Variants in PEX3 observed in about 807,000 individuals in gnomAD.
PEX3 encodes peroxin-3.
PEX3 carries 30 observed loss-of-function variants against 55.8 expected under a neutral mutation model. The ratio of observed to expected loss-of-function variants is 0.54; its 90% CI spans 0.40 to 0.73. The LOEUF is 0.73. Ranked by LOEUF, PEX3 falls within the 30% of genes least tolerant of loss-of-function variation. PEX3 has a pLI of 0.00. For missense variants in PEX3, 351 were observed against 432.8 expected (o/e 0.81, Z 1.68); for synonymous variants, 135 against 148.4 (o/e 0.91, Z 0.66).
intron 2 of PEX3, among the ~76,000 whole-genome samples, chr6:143,460,074 C>A (rs944801593): frequency 1.3e-5 from 2 of 152,180 alleles, no homozygotes; most frequent in African/African-American, 2.4e-5. Flanking sequence ...AAAGCTTACT[C>A]ATTTCTCTAA....
At chr6:143,481,476 A>G (rs1192016698) in intron 10 of PEX3, among the ~76,000 whole-genome samples, 1 of 152,040 alleles carries the variant, frequency 6.6e-6, no homozygotes, top group Non-Finnish European at 1.5e-5. Flanking sequence ...CCAGTTGTTC[A>G]ATAATGTCTA....
At position 143,485,207 on chromosome 6, in the gene PEX3, A is replaced by T; in HGVS notation, c.997A>T (p.Ile333Phe). ...AKIIPIVNGQ[I>F]HSVCSETPSH... Reference sequence around the variant, plus strand: ...GATAATTCCAATAGTAAACGGACAGATCCATTCAGTTTGCAGTGAAACACC... The same window carrying T: ...GATAATTCCAATAGTAAACGGACAGTTCCATTCAGTTTGCAGTGAAACACC... The change falls in exon 11 of 12, where the codon ATC becomes TTC. Residue 333 changes from isoleucine to phenylalanine, a missense_variant. Transcript: ENST00000367591. This position sits in a 1 kb window ranked among gnomAD's most constrained non-coding sequence, Gnocchi z 5.6. 1.2e-6 allele frequency: 2 copies of T among 1,608,412 alleles called. No individual in the cohort carries two copies. The highest frequency in any genetic ancestry group is 1.7e-4 in the Middle Eastern group (1 of 6,040).
Position 143,458,942 on chromosome 6 carries a change from T to C in PEX3, c.74-143T>C, listed in dbSNP as rs1253405975. 2 of 600,516 alleles carry C rather than the reference T, an allele frequency of 3.3e-6. No individual in the cohort carries two copies. Among genetic ancestry groups the C allele is most frequent in the African/African-American group, 3.8e-5 (2 of 53,148 alleles). The allele number at this position is 600,516 out of a possible 1,614,324, so 37.2% of individuals were successfully genotyped here. On this transcript the variant is annotated intron_variant, in intron 1 of 11. Coordinates refer to ENST00000367591, the MANE Select transcript of PEX3 (RefSeq NM_003630.3). This position sits in a 1 kb window ranked among gnomAD's most constrained non-coding sequence, Gnocchi z 6.1. ...TAATTTCCTTTTCTTTGGGCCAATC[T>C]TACAAAATTCTTTATTTAGGTTTTA...
Position 143,462,917 on chromosome 6 carries a change from G to T in PEX3, c.207G>T (p.Val69=). 3 of 1,610,938 alleles carry T rather than the reference G, an allele frequency of 1.9e-6. No individual in the cohort carries two copies. Among genetic ancestry groups the T allele is most frequent in the Non-Finnish European group, 2.5e-6 (3 of 1,177,294 alleles). Residue 69 remains valine, a splice_region_variant and synonymous_variant, in exon 3 of 12, where the codon GTG becomes GTT. Coordinates refer to ENST00000367591, the MANE Select transcript of PEX3 (RefSeq NM_003630.3). The surrounding 1 kb of genome is among the most constrained non-coding windows in gnomAD (Gnocchi z 4.1). ...TTATTTTTTTTGTTTGTATTACAGT[G>T]CTGTCCATGCTTCCAACACTGAGAG... ...ESNQRTCNMT[V]LSMLPTLREA...
At chr6:143,467,212 C>T (rs1007794439) in intron 3 of PEX3, among the ~76,000 whole-genome samples, 2 of 151,826 alleles carry the variant, frequency 1.3e-5, no homozygotes, top group East Asian at 1.9e-4. Flanking sequence ...TTGCTTTCAC[C>T]TATTTTTTAT....
At chr6:143,470,028 C>A (rs1425837555) in intron 4 of PEX3, among the ~76,000 whole-genome samples, 1 of 152,090 alleles carries the variant, frequency 6.6e-6, no homozygotes, top group Non-Finnish European at 1.5e-5. Context: ...TGGCTCACTG[C>A]AACCTCCACC....
rs904645549 is a variant in PEX3 at position 143,486,537 on chromosome 6, A to G, written c.1038+1289A>G. 2.0e-4 allele frequency among the ~76,000 whole-genome samples: 31 copies of G among 152,306 alleles called. No individual in the cohort carries two copies. The highest frequency in any genetic ancestry group is 7.5e-4 in the African/African-American group (31 of 41,576). ...AGTTTTTTACTGTAACTGGATGTAT[A>G]TTAAATGTATATACTAGACCATTGA... On this transcript the variant is annotated intron_variant, in intron 11 of 11. Coordinates refer to ENST00000367591, the MANE Select transcript of PEX3 (RefSeq NM_003630.3). This position sits in a 1 kb window ranked among gnomAD's most constrained non-coding sequence, Gnocchi z 5.0.
chr6:143,475,948 G>A lies in PEX3; in HGVS notation c.818+1092G>A, dbSNP rs1780148065. Among the ~76,000 whole-genome samples the A allele has an allele frequency of 6.6e-6, 1 of 152,170 alleles. No individual in the cohort carries two copies. The highest frequency in any genetic ancestry group is 1.5e-5 in the Non-Finnish European group (1 of 68,038). Reference sequence around the variant, plus strand: ...ATATTAGGTACTGTTCTAAATGCTAGGTCTTCATCCCTACTGGAATGTGTA... The same window carrying A: ...ATATTAGGTACTGTTCTAAATGCTAAGTCTTCATCCCTACTGGAATGTGTA... On this transcript the variant is annotated intron_variant, in intron 9 of 11. Transcript: ENST00000367591. This position sits in a 1 kb window ranked among gnomAD's most constrained non-coding sequence, Gnocchi z 4.4.
chr6:143,451,177 C>G lies in PEX3; in HGVS notation c.73+62C>G, dbSNP rs1438061853. On this transcript the variant is annotated intron_variant, in intron 1 of 11. Transcript: ENST00000367591. This position sits in a 1 kb window ranked among gnomAD's most constrained non-coding sequence, Gnocchi z 4.1. ...AAGGGGGTGGGAGAGGTGACTTCTT[C>G]TAAAATAAGGACAGGCCGGGCGATC... 8.7e-7 allele frequency: 1 copy of G among 1,150,360 alleles called. No individual in the cohort carries two copies. Among genetic ancestry groups the G allele is most frequent in the African/African-American group, 1.5e-5 (1 of 65,898 alleles). The allele number at this position is 1,150,360 out of a possible 1,614,324, so 71.3% of individuals were successfully genotyped here. A position where few individuals can be genotyped will look rare whatever the true frequency, so the allele number is the denominator to read the frequency against.
chr6:143,460,653 T>A (rs1298204780), intron 2 of PEX3, among the ~76,000 whole-genome samples: 1 of 151,728 alleles, frequency 6.6e-6, no homozygotes, highest in Non-Finnish European at 1.5e-5. Context: ...TCACCTGAGG[T>A]TAGGAATTTG....
chr6:143,476,495 G>A lies in PEX3; in HGVS notation c.818+1639G>A, dbSNP rs956581585. Among the ~76,000 whole-genome samples the A allele has an allele frequency of 3.3e-5, 5 of 152,168 alleles. No individual in the cohort carries two copies. The highest frequency in any genetic ancestry group is 4.8e-5 in the African/African-American group (2 of 41,432). On this transcript the variant is annotated intron_variant, in intron 9 of 11. Coordinates refer to ENST00000367591, the MANE Select transcript of PEX3 (RefSeq NM_003630.3). The surrounding 1 kb of genome is among the most constrained non-coding windows in gnomAD (Gnocchi z 5.4). ...ATAAAGAGATAAGAATAGAAGGAGG[G>A]AACCAATTTCAAGAGTTGAAGTAGT...
At position 143,459,331 on chromosome 6, in the gene PEX3, A is replaced by C; in HGVS notation, c.205+115A>C. The C allele has an allele frequency of 1.1e-6, 1 of 879,976 alleles. No individual in the cohort carries two copies. Among genetic ancestry groups the C allele is most frequent in the East Asian group, 2.5e-5 (1 of 40,588 alleles). The allele number at this position is 879,976 out of a possible 1,614,324, so 54.5% of individuals were successfully genotyped here. ...CAAAGAAAAGATGGTAAATCTAGCA[A>C]GTGTTTGAATGATTTAACTGAATTA... On this transcript the variant is annotated intron_variant, in intron 2 of 11. Transcript: ENST00000367591. This position sits in a 1 kb window ranked among gnomAD's most constrained non-coding sequence, Gnocchi z 4.2.
intron 9 of PEX3, among the ~76,000 whole-genome samples, chr6:143,477,454 A>C (rs1780170376): frequency 6.6e-6 from 1 of 152,144 alleles, no homozygotes; most frequent in Admixed American, 6.5e-5. Context: ...TTTTAAGAAC[A>C]AAGTACTTTG....
In PEX3 at chr6:143,462,441, T is replaced by A. The variant is rs2128745801; in HGVS notation, c.206-475T>A. Reference sequence around the variant, plus strand: ...TTGTCTAGGTTATAATAAATGTTTATTACTTTGTAGTATTTAATAAACTTT... The same window carrying A: ...TTGTCTAGGTTATAATAAATGTTTAATACTTTGTAGTATTTAATAAACTTT... On this transcript the variant is annotated intron_variant, in intron 2 of 11. Coordinates refer to ENST00000367591, the MANE Select transcript of PEX3 (RefSeq NM_003630.3). The surrounding 1 kb of genome is among the most constrained non-coding windows in gnomAD (Gnocchi z 4.1). Among the ~76,000 whole-genome samples, 1 of 152,332 alleles carries A rather than the reference T, an allele frequency of 6.6e-6. No individual in the cohort carries two copies. Among genetic ancestry groups the A allele is most frequent in the South Asian group, 2.1e-4 (1 of 4,830 alleles).
chr6:143,454,570 GTACTT>G lies in PEX3; in HGVS notation c.73+3460_73+3464del, dbSNP rs773542715. 1.3e-5 allele frequency among the ~76,000 whole-genome samples: 2 copies of G among 152,188 alleles called. No homozygotes were observed. Among genetic ancestry groups the G allele is most frequent in the Non-Finnish European group, 2.9e-5 (2 of 68,024 alleles). ...ATGAGAGTAAGTGACTGATCTCACT[GTACTT>G]TACTCTGGAAATACAAAGGAATAAG... is the stretch of plus-strand genomic sequence containing the variant. On this transcript the variant is annotated intron_variant, in intron 1 of 11. Coordinates refer to ENST00000367591, the MANE Select transcript of PEX3 (RefSeq NM_003630.3). The surrounding 1 kb of genome is among the most constrained non-coding windows in gnomAD (Gnocchi z 4.3).
At chr6:143,468,243 C>A in intron 4 of PEX3, 78 bp downstream of exon 4, 1 of 938,716 alleles carries the variant, frequency 1.1e-6, no homozygotes, top group Non-Finnish European at 1.7e-6. Flanking sequence ...ATTAGGATGA[C>A]TCTTCTTTAC....
chr6:143,467,494 A>G (rs1158571178), intron 3 of PEX3, among the ~76,000 whole-genome samples: 3 of 152,126 alleles, frequency 2.0e-5, no homozygotes, highest in Non-Finnish European at 4.4e-5. Flanking sequence ...ATTTCCTGCT[A>G]TGAGAAAACA....
At position 143,454,311 on chromosome 6, in the gene PEX3, T is replaced by C. The variant is rs1420931860; in HGVS notation, c.73+3196T>C. On this transcript the variant is annotated intron_variant, in intron 1 of 11. Coordinates refer to ENST00000367591, the MANE Select transcript of PEX3 (RefSeq NM_003630.3). The surrounding 1 kb of genome is among the most constrained non-coding windows in gnomAD (Gnocchi z 4.3). ...TATTACGAAAACAGTTTTGATTTTA[T>C]AGACTCCCTGAAATGGTCTTAAAGA... 6.6e-6 allele frequency among the ~76,000 whole-genome samples: 1 copy of C among 152,228 alleles called. No homozygotes were observed. The highest frequency in any genetic ancestry group is 1.5e-5 in the Non-Finnish European group (1 of 68,040).
chr6:143,477,058 C>A (rs1245341923), intron 9 of PEX3, among the ~76,000 whole-genome samples: 1 of 152,056 alleles, frequency 6.6e-6, no homozygotes, highest in Non-Finnish European at 1.5e-5. Flanking sequence ...TCCTGAAAGG[C>A]CAAAGGAGAT....
Sources: allele counts gnomAD v4.1 joint callset (sites outside exome capture counted in the v4.1 genomes callset), GRCh38; gene constraint gnomAD v4.1.1; non-coding constraint Gnocchi (gnomAD v3.1); transcripts MANE v1.5; gene names NCBI Gene and HGNC (gene_info 2026-07-23, HGNC 2026-07-21).